The following UBE2G1 variants were observed in gnomAD, a reference collection of about 807,000 sequenced individuals.
The protein encoded by UBE2G1 is ubiquitin conjugating enzyme E2 G1.
A neutral mutation model predicts 22.7 loss-of-function variants in UBE2G1; 5 were observed. That is an observed-to-expected ratio of 0.22 (90% confidence interval 0.12 to 0.46). UBE2G1 has a LOEUF of 0.46. Ranked by LOEUF, UBE2G1 falls within the 20% of genes least tolerant of loss-of-function variation. UBE2G1 has a pLI of 0.99. For missense variants in UBE2G1, 88 were observed against 203.9 expected (o/e 0.43, Z 3.46); for synonymous variants, 74 against 67.5 (o/e 1.10, Z -0.47).
Position 4,366,273 on chromosome 17 carries a change from G to A in UBE2G1, c.44C>T (p.Ala15Val). ...CGCCCCGCCGCCCGCCTGCTCACCT[G>A]CCAGCTGTCTTCGCAGTAGCAGTGC... ...QSALLLRRQL[A>V]ELNKNPVEGF... Residue 15 changes from alanine to valine, a missense_variant and splice_region_variant, in exon 1 of 6, where the codon GCA (alanine) becomes GTA (valine). Physicochemically the swap from Ala to Val is moderately conservative, Grantham distance 64. This residue lies in a region of UBE2G1 where 50 missense variants were observed against 71.0 expected (regional missense o/e 0.70). Transcript: ENST00000396981. 6.4e-7 allele frequency: 1 copy of A among 1,554,664 alleles called. No individual in the cohort carries two copies. Among genetic ancestry groups the A allele is most frequent in the Non-Finnish European group, 8.6e-7 (1 of 1,159,812 alleles).
chr17:4,299,965 T>TA (rs767128938), intron 2 of UBE2G1, among the ~76,000 whole-genome samples: 1 of 151,856 alleles, frequency 6.6e-6, no homozygotes, highest in East Asian at 1.9e-4. Context: ...TACCTAGGAT[T>TA]ACAAGCGCAC....
chr17:4,312,103 C>T (rs186358783), intron 1 of UBE2G1, among the ~76,000 whole-genome samples: 2 of 151,708 alleles, frequency 1.3e-5, no homozygotes, highest in East Asian at 2.0e-4. Flanking sequence ...CAAAAATTAG[C>T]CGGGTGGTGG....
intron 2 of UBE2G1, among the ~76,000 whole-genome samples, chr17:4,301,009 G>C (rs1969171961): frequency 1.3e-5 from 2 of 151,812 alleles, no homozygotes; most frequent in South Asian, 4.2e-4. Flanking sequence ...CCCAGGCCTA[G>C]TTCAATTTTT....
At chr17:4,355,548 G>A (rs1157009628) in intron 1 of UBE2G1, among the ~76,000 whole-genome samples, 2 of 147,882 alleles carry the variant, frequency 1.4e-5, no homozygotes, top group South Asian at 2.2e-4. Context: ...AGGCTGAGGC[G>A]GGAGAATCGC....
chr17:4,308,333 A>T (rs921870087), intron 1 of UBE2G1, among the ~76,000 whole-genome samples: 3 of 152,210 alleles, frequency 2.0e-5, no homozygotes, highest in Non-Finnish European at 4.4e-5. Flanking sequence ...AGCCCGGGCA[A>T]CAAGGGCAAA....
intron 5 of UBE2G1, among the ~76,000 whole-genome samples, chr17:4,274,489 G>A (rs994362541): frequency 2.0e-5 from 3 of 151,878 alleles, no homozygotes; most frequent in Admixed American, 6.6e-5. Flanking sequence ...GAGCCACCAC[G>A]CCTGGCCAAA....
intron 1 of UBE2G1, among the ~76,000 whole-genome samples, chr17:4,324,661 T>C (rs1969480703): frequency 6.6e-6 from 1 of 151,992 alleles, no homozygotes; most frequent in Admixed American, 6.5e-5. Flanking sequence ...CAAGTGATCC[T>C]CCCAACTCAG....
Position 4,277,545 on chromosome 17 carries a change from T to C in UBE2G1, c.*38-5029A>G, listed in dbSNP as rs115679074. ...TTAGAACATAAGGGTACTAATAATC[T>C]CTATATAGGACAAGGTATAAACACT... On this transcript the variant is annotated intron_variant, in intron 5 of 5. Transcript: ENST00000396981. Among the ~76,000 whole-genome samples, 444 of 152,176 alleles carry C rather than the reference T, an allele frequency of 2.9e-3. 1 individual carries two copies. The highest frequency in any genetic ancestry group is 0.01 in the African/African-American group (432 of 41,486).
rs116062664 is a variant in UBE2G1, at chr17:4,294,780, G to A, written c.247+1937C>T. Reference sequence around the variant, plus strand: ...AAAAAACAAAAATTAGCTGGGTGTGGTGGCGTGTCCCTGTCATCCCAGCTA... The same window carrying A: ...AAAAAACAAAAATTAGCTGGGTGTGATGGCGTGTCCCTGTCATCCCAGCTA... On this transcript the variant is annotated intron_variant, in intron 3 of 5. Transcript: ENST00000396981. 5.3e-3 allele frequency among the ~76,000 whole-genome samples: 804 copies of A among 152,258 alleles called. 7 individuals carry two copies. The highest frequency in any genetic ancestry group is 0.019 in the African/African-American group (771 of 41,534).
chr17:4,289,162 T>C (rs1369888366), intron 4 of UBE2G1, 68 bp downstream of exon 4: 9 of 1,383,864 alleles, frequency 6.5e-6, no homozygotes, highest in Admixed American at 5.3e-5. Flanking sequence ...CTTACATACA[T>C]ACTAACTATA....
At chr17:4,319,112 A>T (rs1365228299) in intron 1 of UBE2G1, among the ~76,000 whole-genome samples, 1 of 152,226 alleles carries the variant, frequency 6.6e-6, no homozygotes, top group Non-Finnish European at 1.5e-5. Flanking sequence ...AGATTTACAT[A>T]AGTTAAACTG....
Position 4,279,785 on chromosome 17 carries a change from TTATA to T in UBE2G1, c.*37+3009_*37+3012del, listed in dbSNP as rs71144177. ...GCGAAACTCTGCCCCCAAAAAAAAGTTATATATATATATATATATATATATATAT... is the reference window on the plus strand; with the variant it reads ...GCGAAACTCTGCCCCCAAAAAAAAGTTATATATATATATATATATATATAT... On this transcript the variant is annotated intron_variant, in intron 5 of 5. Coordinates refer to ENST00000396981, the MANE Select transcript of UBE2G1 (RefSeq NM_003342.5). 8.3e-3 allele frequency among the ~76,000 whole-genome samples: 569 copies of T among 68,678 alleles called. 11 individuals carry two copies. The highest frequency in any genetic ancestry group is 0.012 in the African/African-American group (270 of 22,988). 45.1% of individuals were successfully genotyped at this position (68,678 alleles called of 152,430 possible). A position where few individuals can be genotyped will look rare whatever the true frequency, so the allele number is the denominator to read the frequency against.
chr17:4,281,338 T>C (rs1234805837), intron 5 of UBE2G1, among the ~76,000 whole-genome samples: 1 of 152,196 alleles, frequency 6.6e-6, no homozygotes, highest in Non-Finnish European at 1.5e-5. Flanking sequence ...ATACATTGTT[T>C]AAACATGCAA....
At chr17:4,325,099 AAAAAAAC>A (rs902000425) in intron 1 of UBE2G1, among the ~76,000 whole-genome samples, 1 of 151,886 alleles carries the variant, frequency 6.6e-6, no homozygotes, top group Non-Finnish European at 1.5e-5. Flanking sequence ...CAAACAAACA[AAAAAAAC>A]AAAAAACAAA....
intron 5 of UBE2G1, among the ~76,000 whole-genome samples, chr17:4,282,199 C>G (rs563272668): frequency 6.6e-6 from 1 of 152,298 alleles, no homozygotes; most frequent in South Asian, 2.1e-4. Context: ...TCTCCTCCCT[C>G]AACCTCCTGA....
At chr17:4,303,656 T>C (rs149240390) in intron 2 of UBE2G1, among the ~76,000 whole-genome samples, 316 of 152,296 alleles carry the variant, frequency 2.1e-3, no homozygotes, top group African/African-American at 7.1e-3. Context: ...GTTCATTCCC[T>C]CCAGAACTTC....
chr17:4,326,385 A>G lies in UBE2G1; in HGVS notation c.47-19262T>C, dbSNP rs1598195125. ...AAGAAATTCAAAACCACAATGAGAT[A>G]CCACTTCACACCAATTAGAATTGCT... On this transcript the variant is annotated intron_variant, in intron 1 of 5. Transcript: ENST00000396981. Among the ~76,000 whole-genome samples, 4 of 152,318 alleles carry G rather than the reference A, an allele frequency of 2.6e-5. No homozygotes were observed. In the East Asian group the frequency reaches 7.7e-4, roughly 29 times the overall value.
chr17:4,295,130 T>C (rs1969093981), intron 3 of UBE2G1, among the ~76,000 whole-genome samples: 1 of 152,150 alleles, frequency 6.6e-6, no homozygotes. Flanking sequence ...TGCAAAACGA[T>C]TGCCTATTAT....
chr17:4,337,763 G>T (rs1969666564), intron 1 of UBE2G1, among the ~76,000 whole-genome samples: 1 of 152,014 alleles, frequency 6.6e-6, no homozygotes, highest in Non-Finnish European at 1.5e-5. Flanking sequence ...CTTCAACTGA[G>T]CAAGAATTAA....
Sources: allele counts gnomAD v4.1 joint callset (sites outside exome capture counted in the v4.1 genomes callset), GRCh38; gene constraint gnomAD v4.1.1; regional missense constraint gnomAD v4.1.1; transcripts MANE v1.5; gene names NCBI Gene and HGNC (gene_info 2026-07-23, HGNC 2026-07-21).